AFG2A: variants seen among roughly 807,000 people sequenced by gnomAD.
AFG2A encodes ATPase family gene 2 protein homolog A.
chr4:123,057,103 A>T, the AFG2A span: 1 of 1,124,064 alleles, frequency 8.9e-7, no homozygotes, highest in African/African-American at 1.5e-5. Context: ...GGGCTTGTTG[A>T]CTTGTACCTA....
chr4:123,304,825 C>T, the AFG2A span, among the ~76,000 whole-genome samples: 5 of 152,152 alleles, frequency 3.3e-5, no homozygotes, highest in Non-Finnish European at 7.4e-5. Context: ...TACGTGGATT[C>T]AGTGTGCAGC....
the AFG2A span, among the ~76,000 whole-genome samples, chr4:123,265,836 G>A: frequency 1.6e-4 from 25 of 152,118 alleles, no homozygotes; most frequent in African/African-American, 5.3e-4. Flanking sequence ...TGATAATGCC[G>A]ATTTGAGCAT....
chr4:123,307,242 G>T, the AFG2A span, among the ~76,000 whole-genome samples: 1 of 152,118 alleles, frequency 6.6e-6, no homozygotes, highest in Non-Finnish European at 1.5e-5. Context: ...CCTGGGTTCA[G>T]ATGATCCTCC....
the AFG2A span, among the ~76,000 whole-genome samples, chr4:123,201,051 TG>T: frequency 6.6e-6 from 1 of 152,254 alleles, no homozygotes; most frequent in South Asian, 2.1e-4. Flanking sequence ...ATTAAAGTTT[TG>T]TTTGAAATTT....
At chr4:123,040,714 A>G in the AFG2A span, among the ~76,000 whole-genome samples, 1 of 152,190 alleles carries the variant, frequency 6.6e-6, no homozygotes, top group African/African-American at 2.4e-5. Context: ...ATTTTGCCTC[A>G]GCATAATTAA....
chr4:122,945,686 G>C, the AFG2A span, among the ~76,000 whole-genome samples: 5 of 152,234 alleles, frequency 3.3e-5, no homozygotes, highest in South Asian at 2.1e-4. Context: ...TCCCTAGTGA[G>C]ATGAACCTGG....
At chr4:123,087,017 A>T in the AFG2A span, among the ~76,000 whole-genome samples, 1 of 152,288 alleles carries the variant, frequency 6.6e-6, no homozygotes, top group African/African-American at 2.4e-5. Flanking sequence ...TTTTTTAAAA[A>T]TTCCTGGTCT....
the AFG2A span, chr4:122,934,342 A>T: frequency 1.2e-6 from 2 of 1,614,030 alleles, no homozygotes; most frequent in Non-Finnish European, 1.7e-6. Context: ...ATCAAGAAGT[A>T]CTCCTTATAA....
At chr4:123,230,070 G>T in the AFG2A span, among the ~76,000 whole-genome samples, 2 of 151,918 alleles carry the variant, frequency 1.3e-5, no homozygotes, top group Non-Finnish European at 2.9e-5. Context: ...CCATAAAGAT[G>T]ACTGCTGACT....
chr4:123,184,772 G>C, the AFG2A span, among the ~76,000 whole-genome samples: 8,508 of 151,656 alleles, frequency 0.056, 402 homozygotes, highest in African/African-American at 0.12. Context: ...TCCTGACCTC[G>C]TGATCCGCCC....
the AFG2A span, among the ~76,000 whole-genome samples, chr4:123,003,551 G>A: frequency 2.7e-3 from 416 of 152,150 alleles, 12 homozygotes; most frequent in Non-Finnish European, 8.5e-4. Context: ...CAGGTCTGTT[G>A]GAGTTTGCTA....
the AFG2A span, among the ~76,000 whole-genome samples, chr4:123,009,621 C>A: frequency 1.2e-4 from 19 of 152,090 alleles, no homozygotes; most frequent in Non-Finnish European, 2.1e-4. Context: ...TTTCTCTGGG[C>A]TGTGACAATT....
At chr4:123,024,666 C>T in the AFG2A span, among the ~76,000 whole-genome samples, 1 of 152,208 alleles carries the variant, frequency 6.6e-6, no homozygotes, top group Admixed American at 6.5e-5. Context: ...CTGGCTTTAG[C>T]CTTAACCCCC....
chr4:122,954,302 G>A, the AFG2A span, among the ~76,000 whole-genome samples: 1 of 152,134 alleles, frequency 6.6e-6, no homozygotes, highest in Non-Finnish European at 1.5e-5. Flanking sequence ...TCAATCAACT[G>A]TCTCTCTTCC....
chr4:123,089,138 A>T, the AFG2A span, among the ~76,000 whole-genome samples: 1 of 152,198 alleles, frequency 6.6e-6, no homozygotes, highest in African/African-American at 2.4e-5. Flanking sequence ...TGTGCATTTG[A>T]TTAGTGTGAG....
At chr4:122,964,681 A>G in the AFG2A span, among the ~76,000 whole-genome samples, 1 of 152,106 alleles carries the variant, frequency 6.6e-6, no homozygotes, top group Non-Finnish European at 1.5e-5. Flanking sequence ...TCTGGAGACA[A>G]ATGTGCCTTC....
chr4:123,201,718 A>G, the AFG2A span, among the ~76,000 whole-genome samples: 348 of 152,310 alleles, frequency 2.3e-3, 1 homozygote, highest in African/African-American at 7.8e-3. Flanking sequence ...CAGGAGTTCA[A>G]TACCAGCCTG....
At chr4:123,251,331 T>G in the AFG2A span, among the ~76,000 whole-genome samples, 18 of 152,186 alleles carry the variant, frequency 1.2e-4, no homozygotes, top group African/African-American at 4.1e-4. Flanking sequence ...AGTAGATGCT[T>G]AATAATTTTT....
chr4:123,124,507 A>AG, the AFG2A span, among the ~76,000 whole-genome samples: 1 of 151,910 alleles, frequency 6.6e-6, no homozygotes, highest in Non-Finnish European at 1.5e-5. Context: ...GGGAGAGGGG[A>AG]GGGATAGCAT....
Sources: allele counts gnomAD v4.1 joint callset (sites outside exome capture counted in the v4.1 genomes callset), GRCh38; gene constraint gnomAD v4.1.1; transcripts MANE v1.5; gene names NCBI Gene and HGNC (gene_info 2026-07-23, HGNC 2026-07-21).